CCDC7: variants seen among roughly 807,000 people sequenced by gnomAD.
CCDC7 encodes coiled-coil domain containing 7.
In CCDC7, 183 loss-of-function variants were observed where a neutral mutation model predicts 196.9. The ratio of observed to expected loss-of-function variants is 0.93; its 90% CI spans 0.82 to 1.05. The LOEUF (loss-of-function observed/expected upper bound fraction) is 1.05. CCDC7 is among the 50% of genes least tolerant of loss of function. CCDC7 has a pLI of 0.00. For missense variants in CCDC7, 1,540 were observed against 1,482.2 expected, an observed-to-expected ratio of 1.04 and a Z score of -0.64; for synonymous variants, 525 against 484.6, an observed-to-expected ratio of 1.08 and a Z score of -1.10.
intron 18 of CCDC7, among the ~76,000 whole-genome samples, chr10:32,633,991 C>A (rs1024590191): frequency 2.0e-5 from 3 of 151,798 alleles, no homozygotes; most frequent in African/African-American, 7.3e-5. Flanking sequence ...TAAAAGGTAG[C>A]ATTCTAGATA....
chr10:32,584,439 C>A, intron 18 of CCDC7, 135 bp downstream of exon 19: 2 of 508,204 alleles, frequency 3.9e-6, no homozygotes, highest in East Asian at 3.4e-5. Context: ...GGATAGCATA[C>A]AAATATAACG....
At chr10:32,460,035 A>G (rs1182755251) in intron 3 of CCDC7, among the ~76,000 whole-genome samples, 3 of 152,186 alleles carry the variant, frequency 2.0e-5, no homozygotes, top group Admixed American at 2.0e-4. Context: ...ATATGATCAA[A>G]TATGATACTG....
chr10:32,733,422 T>A (rs2084322621), intron 28 of CCDC7, among the ~76,000 whole-genome samples: 1 of 152,116 alleles, frequency 6.6e-6, no homozygotes, highest in South Asian at 2.1e-4. Context: ...GAGATTTTTT[T>A]AATTGAGGAT....
intron 8 of CCDC7, among the ~76,000 whole-genome samples, chr10:32,482,671 C>A (rs1284065853): frequency 6.6e-6 from 1 of 152,066 alleles, no homozygotes; most frequent in Admixed American, 6.6e-5. Context: ...ACAACAGGCC[C>A]CGGTGTGTGA....
intron 29 of CCDC7, among the ~76,000 whole-genome samples, chr10:32,789,007 G>A (rs781455958): frequency 1.3e-5 from 2 of 151,720 alleles, no homozygotes; most frequent in Non-Finnish European, 2.9e-5. Flanking sequence ...CACTAGGCCA[G>A]CCTGCCTGAG....
chr10:32,818,861 G>A (rs1404930442), intron 31 of CCDC7, among the ~76,000 whole-genome samples: 5 of 151,988 alleles, frequency 3.3e-5, no homozygotes, highest in Non-Finnish European at 5.9e-5. Flanking sequence ...AGAGAAAAAA[G>A]GAAAGATCTA....
chr10:32,587,783 T>C (rs921799039), intron 18 of CCDC7, among the ~76,000 whole-genome samples: 20 of 152,214 alleles, frequency 1.3e-4, no homozygotes, highest in Admixed American at 2.0e-4. Flanking sequence ...ACTGGATCTT[T>C]TAGTACAATG....
At chr10:32,499,084 T>C (rs2043409076) in intron 9 of CCDC7, 2 of 140,424 alleles carry the variant, frequency 1.4e-5, no homozygotes, top group South Asian at 4.9e-4. Context: ...TTTGTTTGTT[T>C]CTTTTTTTTT....
At chr10:32,737,887 T>C (rs1366073612) in intron 28 of CCDC7, among the ~76,000 whole-genome samples, 2 of 152,178 alleles carry the variant, frequency 1.3e-5, no homozygotes, top group Non-Finnish European at 2.9e-5. Context: ...CTCTGTTACT[T>C]TACTTTTAAT....
chr10:32,543,345 G>A, exon 12 of CCDC7: 2 of 1,460,226 alleles, frequency 1.4e-6, no homozygotes, highest in Middle Eastern at 1.8e-4. Flanking sequence ...TGTGAAAACA[G>A]TGAAGAAAAA....
At chr10:32,483,076 T>C (rs961546183) in intron 8 of CCDC7, among the ~76,000 whole-genome samples, 2 of 152,234 alleles carry the variant, frequency 1.3e-5, no homozygotes, top group Admixed American at 1.3e-4. Flanking sequence ...ATCACCACAC[T>C]GCCTTCCACA....
At chr10:32,590,859 G>A (rs759950025) in intron 18 of CCDC7, among the ~76,000 whole-genome samples, 1 of 152,094 alleles carries the variant, frequency 6.6e-6, no homozygotes, top group Non-Finnish European at 1.5e-5. Context: ...AGATGTATTG[G>A]AGCTCCATTG....
chr10:32,836,689 A>G (rs1240011833), intron 33 of CCDC7, among the ~76,000 whole-genome samples: 2 of 152,084 alleles, frequency 1.3e-5, no homozygotes, highest in Non-Finnish European at 2.9e-5. Context: ...TTCTTTTGAG[A>G]AGTGTCTGTT....
At chr10:32,670,112 C>G (rs918969151) in intron 21 of CCDC7, among the ~76,000 whole-genome samples, 2 of 152,074 alleles carry the variant, frequency 1.3e-5, no homozygotes, top group Non-Finnish European at 2.9e-5. Flanking sequence ...GTTCTTTCCT[C>G]TTAGAGACCC....
intron 28 of CCDC7, among the ~76,000 whole-genome samples, chr10:32,739,865 C>A (rs911018781): frequency 9.2e-5 from 14 of 151,668 alleles, no homozygotes; most frequent in African/African-American, 2.9e-4. Flanking sequence ...TTTGCCCCCC[C>A]CCACCAAACT....
intron 9 of CCDC7, among the ~76,000 whole-genome samples, chr10:32,495,488 T>C (rs1284875810): frequency 6.6e-6 from 1 of 152,210 alleles, no homozygotes; most frequent in African/African-American, 2.4e-5. Context: ...TGAATGGCAT[T>C]GCCTAGGTTT....
At chr10:32,575,814 T>C (rs1379925319) in intron 16 of CCDC7, among the ~76,000 whole-genome samples, 1 of 152,194 alleles carries the variant, frequency 6.6e-6, no homozygotes, top group African/African-American at 2.4e-5. Flanking sequence ...CTCATTATTA[T>C]AGATCTCTCC....
At chr10:32,780,353 G>A (rs150874963) in intron 29 of CCDC7, among the ~76,000 whole-genome samples, 5 of 152,212 alleles carry the variant, frequency 3.3e-5, no homozygotes, top group African/African-American at 1.2e-4. Context: ...AAATATAAAA[G>A]CCATTATTAT....
chr10:32,831,741 C>T (rs1180531216), intron 32 of CCDC7, among the ~76,000 whole-genome samples: 1 of 152,200 alleles, frequency 6.6e-6, no homozygotes, highest in African/African-American at 2.4e-5. Context: ...GGGAAAGTAA[C>T]ACACGTGAAG....
Sources: gnomAD v4.1 joint callset for allele counts (sites outside exome capture counted in the v4.1 genomes callset) on GRCh38, gnomAD v4.1.1 for gene constraint, MANE v1.5 for transcripts, NCBI Gene and HGNC (gene_info 2026-07-23, HGNC 2026-07-21) for gene names.